The following CNTNAP2 variants were observed in gnomAD, a reference collection of about 807,000 sequenced individuals.
CNTNAP2 encodes contactin associated protein 2, also known as contactin-associated protein-like 2.
CNTNAP2 carries 98 observed loss-of-function variants against 155.2 expected under a neutral mutation model. That is an observed-to-expected ratio of 0.63 (90% CI 0.54 to 0.75). The LOEUF is 0.75. Ranked by LOEUF, CNTNAP2 falls within the 30% of genes least tolerant of loss-of-function variation. CNTNAP2 has a pLI of 0.00. For synonymous variants in CNTNAP2, 651 were observed against 631.2 expected (o/e 1.03, Z -0.47); for missense variants, 1,727 against 1,688.1 (o/e 1.02, Z -0.40).
At chr7:146,967,363 G>T (rs950668319) in intron 3 of CNTNAP2, among the ~76,000 whole-genome samples, 5 of 152,264 alleles carry the variant, frequency 3.3e-5, no homozygotes, top group African/African-American at 1.2e-4. Flanking sequence ...TTGGTAGCTT[G>T]ATGGGGATGG....
intron 21 of CNTNAP2, among the ~76,000 whole-genome samples, chr7:148,370,355 A>G (rs1329266163): frequency 2.6e-5 from 4 of 152,176 alleles, no homozygotes; most frequent in Non-Finnish European, 5.9e-5. Flanking sequence ...GCTGAGCCTG[A>G]ATCCCTCCAC....
intron 22 of CNTNAP2, among the ~76,000 whole-genome samples, chr7:148,404,765 T>C (rs1799660008): frequency 6.6e-6 from 1 of 152,120 alleles, no homozygotes. Context: ...CACAGTTTTA[T>C]TGAGTGATGG....
chr7:146,932,226 C>G lies in CNTNAP2; in HGVS notation c.402+92322C>G, dbSNP rs910001062. Among the ~76,000 whole-genome samples, 3 of 152,124 alleles carry G rather than the reference C, an allele frequency of 2.0e-5. No homozygotes were observed. In the East Asian group the frequency reaches 5.8e-4, roughly 29 times the overall value. On this transcript the variant is annotated intron_variant, in intron 3 of 23. Transcript: ENST00000361727. ...AAACTGAATCCAGCAGCACATCAAA[C>G]AGCTTATCACCTTGATCAAGTGGGC... is the stretch of plus-strand genomic sequence containing the variant.
At chr7:147,690,321 A>G (rs1228532469) in intron 13 of CNTNAP2, among the ~76,000 whole-genome samples, 1 of 152,164 alleles carries the variant, frequency 6.6e-6, no homozygotes, top group African/African-American at 2.4e-5. Flanking sequence ...AAAATGTCTA[A>G]TCTTTTCTCT....
At chr7:146,400,733 T>C (rs766221512) in intron 1 of CNTNAP2, among the ~76,000 whole-genome samples, 9 of 152,212 alleles carry the variant, frequency 5.9e-5, no homozygotes, top group Non-Finnish European at 1.3e-4. Flanking sequence ...CTATTAGTTG[T>C]TGATTGTGCT....
At chr7:146,564,305 A>G (rs993349416) in intron 1 of CNTNAP2, among the ~76,000 whole-genome samples, 1 of 151,812 alleles carries the variant, frequency 6.6e-6, no homozygotes, top group Non-Finnish European at 1.5e-5. Flanking sequence ...GTCCTGTTCA[A>G]CTCTGTACTC....
At chr7:146,667,678 G>A (rs943984764) in intron 1 of CNTNAP2, among the ~76,000 whole-genome samples, 2 of 150,288 alleles carry the variant, frequency 1.3e-5, no homozygotes, top group African/African-American at 2.4e-5. Context: ...CCTTTTAAAG[G>A]TTTTGTACCT....
chr7:148,127,012 A>C (rs777285683), intron 16 of CNTNAP2, among the ~76,000 whole-genome samples: 1 of 152,196 alleles, frequency 6.6e-6, no homozygotes, highest in Non-Finnish European at 1.5e-5. Flanking sequence ...AACAATTTAA[A>C]AGAGATTTTA....
At chr7:147,868,022 A>G (rs879605116) in intron 13 of CNTNAP2, among the ~76,000 whole-genome samples, 8 of 152,100 alleles carry the variant, frequency 5.3e-5, no homozygotes, top group Non-Finnish European at 8.8e-5. Flanking sequence ...TTGGAGGAGA[A>G]GAGGTGCTCT....
chr7:147,337,324 G>T (rs959968303), intron 9 of CNTNAP2, among the ~76,000 whole-genome samples: 2 of 152,062 alleles, frequency 1.3e-5, no homozygotes, highest in Non-Finnish European at 1.5e-5. Context: ...AGCACATACT[G>T]CCCTGGGTTT....
At chr7:148,017,258 G>T (rs1470836321) in intron 15 of CNTNAP2, among the ~76,000 whole-genome samples, 1 of 152,140 alleles carries the variant, frequency 6.6e-6, no homozygotes, top group East Asian at 1.9e-4. Context: ...TTACTAAAAT[G>T]TAGCTTCTTT....
chr7:146,623,338 G>T (rs539775664), intron 1 of CNTNAP2, among the ~76,000 whole-genome samples: 2 of 152,078 alleles, frequency 1.3e-5, no homozygotes, highest in East Asian at 3.9e-4. Context: ...AGTTCTATGG[G>T]TTTTGACAAT....
intron 3 of CNTNAP2, among the ~76,000 whole-genome samples, chr7:147,025,136 A>G (rs1279800697): frequency 1.3e-5 from 2 of 149,454 alleles, no homozygotes; most frequent in African/African-American, 5.0e-5. Context: ...ATACCAAAAA[A>G]TTAGCCGGGT....
At chr7:147,207,426 T>C (rs894701255) in intron 8 of CNTNAP2, among the ~76,000 whole-genome samples, 6 of 152,152 alleles carry the variant, frequency 3.9e-5, no homozygotes, top group Non-Finnish European at 8.8e-5. Context: ...GAGAACATTT[T>C]TACTATTAAT....
At chr7:147,766,625 G>A (rs1797387894) in intron 13 of CNTNAP2, among the ~76,000 whole-genome samples, 1 of 152,042 alleles carries the variant, frequency 6.6e-6, no homozygotes, top group African/African-American at 2.4e-5. Context: ...CTTAATCCTA[G>A]CCTTAATCCT....
At chr7:147,336,852 A>C (rs16883349) in intron 9 of CNTNAP2, among the ~76,000 whole-genome samples, 3,013 of 152,100 alleles carry the variant, frequency 0.02, 104 homozygotes, top group African/African-American at 0.069. Flanking sequence ...TCTATGGAAA[A>C]TTTCACTGGC....
chr7:148,339,712 C>G (rs1310826436), intron 21 of CNTNAP2: 1 of 152,314 alleles, frequency 6.6e-6, no homozygotes, highest in Admixed American at 6.5e-5. Context: ...TGCTCCAGCC[C>G]GGGGAGCGCG....
intron 1 of CNTNAP2, among the ~76,000 whole-genome samples, chr7:146,571,999 G>T (rs1798448768): frequency 6.6e-6 from 1 of 152,200 alleles, no homozygotes; most frequent in Non-Finnish European, 1.5e-5. Context: ...GATTACAGGT[G>T]TGAGCCACCG....
chr7:148,177,977 T>C (rs1476551298), intron 18 of CNTNAP2, among the ~76,000 whole-genome samples: 2 of 151,802 alleles, frequency 1.3e-5, no homozygotes, highest in African/African-American at 4.8e-5. Context: ...GAACACCTAA[T>C]GTGCCCAGAA....
Sources: gnomAD v4.1 joint callset for allele counts (sites outside exome capture counted in the v4.1 genomes callset) on GRCh38, gnomAD v4.1.1 for gene constraint, MANE v1.5 for transcripts, NCBI Gene and HGNC (gene_info 2026-07-23, HGNC 2026-07-21) for gene names.